The following TMEM184B variants were observed in gnomAD, a reference collection of about 807,000 sequenced individuals.
The protein encoded by TMEM184B is transmembrane protein 184B.
TMEM184B carries 17 observed loss-of-function variants against 41.8 expected under a neutral mutation model. The ratio of observed to expected loss-of-function variants is 0.41; its 90% CI spans 0.28 to 0.61. The LOEUF is 0.61. Ranked by LOEUF, TMEM184B falls within the 20% of genes least tolerant of loss-of-function variation. The probability of loss-of-function intolerance (pLI) is 0.34; values close to 1 mark genes in which losing one functional copy is unlikely to be tolerated. For synonymous variants in TMEM184B, 240 were observed against 229.5 expected, an observed-to-expected ratio of 1.05 and a Z score of -0.41; for missense variants, 393 against 557.8, an observed-to-expected ratio of 0.70 and a Z score of 2.98.
intron 3 of TMEM184B, among the ~76,000 whole-genome samples, chr22:38,245,302 GC>G (rs1385670041): frequency 2.0e-5 from 3 of 151,804 alleles, no homozygotes; most frequent in African/African-American, 4.8e-5. Context: ...CAGGGGGAGG[GC>G]CCTTGCTTCC....
At chr22:38,218,502 C>A (rs887765752), downstream of TMEM184B, among the ~76,000 whole-genome samples, 11 of 151,220 alleles carry the variant, frequency 7.3e-5, no homozygotes, top group African/African-American at 1.7e-4. Flanking sequence ...CGAGGTGAGG[C>A]CAACTCTATG....
At chr22:38,216,416 T>C (rs2091150911), downstream of TMEM184B, 2 of 167,056 alleles carry the variant, frequency 1.2e-5, no homozygotes, top group South Asian at 2.1e-4. Context: ...CTAGAATTTA[T>C]TTATTTCCTG....
downstream of TMEM184B, among the ~76,000 whole-genome samples, chr22:38,217,885 T>C (rs188843852): frequency 6.1e-5 from 9 of 146,356 alleles, no homozygotes; most frequent in Admixed American, 3.4e-4. Flanking sequence ...CCAGTCATGG[T>C]GGTGTGGTTG....
intron 3 of TMEM184B, among the ~76,000 whole-genome samples, chr22:38,235,575 T>G (rs1007921735): frequency 6.6e-6 from 1 of 152,144 alleles, no homozygotes; most frequent in African/African-American, 2.4e-5. Context: ...AAGTACCAAT[T>G]TGCTGACAGT....
chr22:38,226,875 TG>T lies in TMEM184B; in HGVS notation c.526-6del, dbSNP rs762498606. ...CACACAGAACTGCAGGGTGGCCTGT[TG>T]GGGGGAAAAGGAGGTTGAGTGTGGA... is the stretch of plus-strand genomic sequence containing the variant. On this transcript the variant is annotated splice_region_variant and splice_polypyrimidine_tract_variant and intron_variant, in intron 5 of 8. Transcript: ENST00000361906. This position sits in a 1 kb window ranked among gnomAD's most constrained non-coding sequence, Gnocchi z 4.6. The T allele has an allele frequency of 2.5e-6, 4 of 1,582,082 alleles. No individual in the cohort carries two copies. The highest frequency in any genetic ancestry group is 2.3e-5 in the South Asian group (2 of 86,808).
rs1049581446 is a variant in TMEM184B, at chr22:38,225,747, G to A, written c.618-154C>T. On this transcript the variant is annotated intron_variant, in intron 6 of 8. Coordinates refer to ENST00000361906, the MANE Select transcript of TMEM184B (RefSeq NM_012264.5). This position sits in a 1 kb window ranked among gnomAD's most constrained non-coding sequence, Gnocchi z 4.4. ...AGGGGTCAGAATGGGTGATCAAAGC[G>A]ACAGACAGGGGTGGGGGTACATGGG... 3.3e-5 allele frequency among the ~76,000 whole-genome samples: 5 copies of A among 152,306 alleles called. No homozygotes were observed. Among genetic ancestry groups the A allele is most frequent in the East Asian group, 3.9e-4 (2 of 5,184 alleles).
At chr22:38,227,804 C>A (rs1247969999) in intron 5 of TMEM184B, among the ~76,000 whole-genome samples, 4 of 152,192 alleles carry the variant, frequency 2.6e-5, no homozygotes, top group Non-Finnish European at 5.9e-5. Context: ...TCTGTACATG[C>A]ACTAACGGCG....
rs950187387 is a variant in TMEM184B, at chr22:38,220,835, C to T, written c.*634G>A. 18 of 985,970 alleles carry T rather than the reference C, an allele frequency of 1.8e-5. No homozygotes were observed. The African/African-American group carries it at 2.1e-4, about 11-fold the overall frequency. The allele number at this position is 985,970 out of a possible 1,614,324, so 61.1% of individuals were successfully genotyped here. On this transcript the variant is annotated 3_prime_UTR_variant, in exon 9 of 9. Coordinates refer to ENST00000361906, the MANE Select transcript of TMEM184B (RefSeq NM_012264.5). ...CCAGAAGCCCCTGCTTCAACAGAAG[C>T]GGTGCCCAGGGGCCCTGAATGCCCT...
Position 38,224,774 on chromosome 22 carries a change from C to G in TMEM184B, c.982+11G>C, listed in dbSNP as rs2091379091. ...CTCCCAGCGGGGGTCGCCTAGGACCCTGGCTCATACCTTGTGCGTCCAGCC... is the reference window on the plus strand; with the variant it reads ...CTCCCAGCGGGGGTCGCCTAGGACCGTGGCTCATACCTTGTGCGTCCAGCC... On this transcript the variant is annotated intron_variant, in intron 8 of 8. Transcript: ENST00000361906. 1 of 1,578,986 alleles carries G rather than the reference C, an allele frequency of 6.3e-7. No individual in the cohort carries two copies. Among genetic ancestry groups the G allele is most frequent in the Admixed American group, 1.7e-5 (1 of 57,206 alleles).
At chr22:38,240,732 CAAAAAAAAAAA>C (rs550793359) in intron 3 of TMEM184B, among the ~76,000 whole-genome samples, 42 of 66,572 alleles carry the variant, frequency 6.3e-4, no homozygotes, top group Admixed American at 1.6e-3. Context: ...GAAAAAAAGG[CAAAAAAAAAAA>C]AAAAAAAAAA....
intron 1 of TMEM184B, among the ~76,000 whole-genome samples, chr22:38,263,039 AT>A (rs2092393756): frequency 6.6e-6 from 1 of 152,122 alleles, no homozygotes; most frequent in African/African-American, 2.4e-5. Context: ...AGCAGCTGGG[AT>A]TACAGGCATG....
intron 5 of TMEM184B, among the ~76,000 whole-genome samples, chr22:38,228,258 G>A (rs764620433): frequency 1.5e-4 from 23 of 152,216 alleles, no homozygotes; most frequent in Admixed American, 3.3e-4. Context: ...AGGGAAGAAC[G>A]GCAGTTTGCA....
chr22:38,247,575 G>C (rs2092063455), intron 2 of TMEM184B, among the ~76,000 whole-genome samples, 195 bp downstream of exon 2: 1 of 152,178 alleles, frequency 6.6e-6, no homozygotes, highest in Non-Finnish European at 1.5e-5. Flanking sequence ...ACTCCAGCCT[G>C]GGTGACAGAG....
chr22:38,222,500 A>T, intron 8 of TMEM184B: 1 of 720,938 alleles, frequency 1.4e-6, no homozygotes, highest in Non-Finnish European at 1.7e-6. Flanking sequence ...GGCCCTTGAC[A>T]GGTGCTCTGG....
chr22:38,253,343 G>T (rs139004564), intron 1 of TMEM184B, among the ~76,000 whole-genome samples: 168 of 152,290 alleles, frequency 1.1e-3, no homozygotes, highest in Middle Eastern at 3.4e-3. Flanking sequence ...GCCAAGGTGG[G>T]TGGATCACTT....
At chr22:38,238,742 G>C (rs2091840801) in intron 3 of TMEM184B, among the ~76,000 whole-genome samples, 1 of 152,212 alleles carries the variant, frequency 6.6e-6, no homozygotes, top group African/African-American at 2.4e-5. Context: ...TTCCAGGGGA[G>C]AAACTTGTCC....
At chr22:38,272,345 A>T (rs2145806592) in intron 1 of TMEM184B, among the ~76,000 whole-genome samples, 1 of 152,190 alleles carries the variant, frequency 6.6e-6, no homozygotes, top group African/African-American at 2.4e-5. Flanking sequence ...ACATCTTTCG[A>T]GCCCCAGGTC....
intron 1 of TMEM184B, among the ~76,000 whole-genome samples, chr22:38,268,345 A>G (rs968651184): frequency 6.7e-6 from 1 of 149,028 alleles, no homozygotes; most frequent in African/African-American, 2.5e-5. Context: ...ACTGCACTCC[A>G]GCCTGGGCAA....
intron 3 of TMEM184B, among the ~76,000 whole-genome samples, chr22:38,241,857 C>G (rs1602422767): frequency 8.0e-6 from 1 of 124,254 alleles, no homozygotes; most frequent in Admixed American, 1.0e-4. Flanking sequence ...GCACTCCGGC[C>G]TGGGTGACAG....
Sources: gnomAD v4.1 joint callset for allele counts (sites outside exome capture counted in the v4.1 genomes callset) on GRCh38, gnomAD v4.1.1 for gene constraint, Gnocchi (gnomAD v3.1) non-coding constraint, MANE v1.5 for transcripts, NCBI Gene and HGNC (gene_info 2026-07-23, HGNC 2026-07-21) for gene names.